Variants in EPG5 observed in about 807,000 individuals in gnomAD.
The protein encoded by EPG5 is ectopic P granules protein 5 homolog.
In EPG5, 159 loss-of-function variants were observed where a neutral mutation model predicts 302.7. The ratio of observed to expected loss-of-function variants is 0.53; its 90% CI spans 0.46 to 0.60. EPG5 has a LOEUF of 0.60. EPG5 is among the 20% of genes least tolerant of loss of function. The probability of loss-of-function intolerance (pLI) is 0.00; values close to 1 mark genes in which losing one functional copy is unlikely to be tolerated. For synonymous variants in EPG5, 1,158 were observed against 1,136.8 expected (o/e 1.02, Z -0.37); for missense variants, 2,896 against 3,092.4 (o/e 0.94, Z 1.51).
At chr18:45,842,415 G>T in the EPG5 span, 3 of 569,256 alleles carry the variant, frequency 5.3e-6, no homozygotes, top group Admixed American at 3.1e-5. Flanking sequence ...TCGTAAATGT[G>T]CATACGTCTG....
chr18:45,837,865 G>C, the EPG5 span: 3 of 1,533,280 alleles, frequency 2.0e-6, no homozygotes, highest in Admixed American at 1.9e-5. Flanking sequence ...ACCGCTACGA[G>C]AGCCGCCACG....
intron 26 of EPG5, among the ~76,000 whole-genome samples, chr18:45,899,990 T>C (rs1331326239): frequency 6.6e-6 from 1 of 152,164 alleles, no homozygotes. Flanking sequence ...ACATGGGGTG[T>C]CAAAACTGGT....
chr18:45,844,806 A>C (rs75370733), downstream of EPG5, among the ~76,000 whole-genome samples: 2,695 of 152,294 alleles, frequency 0.018, 40 homozygotes, highest in South Asian at 0.024. Context: ...GGGCACCTCT[A>C]TGGAAAGTCC....
chr18:45,802,789 A>G, the EPG5 span, among the ~76,000 whole-genome samples: 4 of 152,364 alleles, frequency 2.6e-5, no homozygotes, highest in Non-Finnish European at 5.9e-5. Flanking sequence ...GATGGTAAAT[A>G]AAAGTGAACA....
chr18:45,863,335 C>T (rs2048675364), intron 39 of EPG5, among the ~76,000 whole-genome samples: 2 of 152,174 alleles, frequency 1.3e-5, no homozygotes, highest in South Asian at 4.1e-4. Flanking sequence ...CTCACTTTCT[C>T]CATGCTTCCT....
At chr18:45,817,846 A>G in the EPG5 span, among the ~76,000 whole-genome samples, 7 of 152,244 alleles carry the variant, frequency 4.6e-5, no homozygotes, top group African/African-American at 1.7e-4. Flanking sequence ...AGGTGAGTCA[A>G]TAAGGCCAGT....
At chr18:45,840,590 C>T in the EPG5 span, among the ~76,000 whole-genome samples, 3 of 152,220 alleles carry the variant, frequency 2.0e-5, 1 homozygote, top group East Asian at 1.9e-4. Context: ...GCTTTGCAAA[C>T]AAAATCTCTA....
At chr18:45,915,975 C>T in intron 19 of EPG5, 34 bp downstream of exon 19, 2 of 1,554,970 alleles carry the variant, frequency 1.3e-6, no homozygotes, top group Non-Finnish European at 1.7e-6. Context: ...TCTAGCCAAT[C>T]ACTGAAAGAT....
At chr18:45,937,249 C>T (rs1209493383) in intron 10 of EPG5, among the ~76,000 whole-genome samples, 7 of 107,192 alleles carry the variant, frequency 6.5e-5, no homozygotes, top group African/African-American at 3.3e-4. Flanking sequence ...CACACACACA[C>T]ACACACACAC....
rs200932619 is a variant in EPG5 at position 45,858,734 on chromosome 18, T to C, written c.7058A>G (p.Gln2353Arg). 1.9e-6 allele frequency: 3 copies of C among 1,614,204 alleles called. No individual in the cohort carries two copies. The highest frequency in any genetic ancestry group is 2.2e-5 in the East Asian group (1 of 44,882). ...CTCTTCCATGGTGAGCTCGGGAACCTGAAGGGATACCAGAATGGGTCCCCA... is the reference window on the plus strand; with the variant it reads ...CTCTTCCATGGTGAGCTCGGGAACCCGAAGGGATACCAGAATGGGTCCCCA... The part of the protein sequence containing the change: ...SGWGPILVSL[Q>R]VPELTMEEFL... The change falls in exon 41 of 44, where the codon CAG becomes CGG. Residue 2353 changes from glutamine to arginine, a missense_variant. Physicochemically the swap from Gln to Arg is conservative, Grantham distance 43. Transcript: ENST00000282041.
rs748941224 is a variant in EPG5, at chr18:45,867,733, G to A, written c.6241C>T (p.Pro2081Ser). The change falls in exon 37 of 44, where the codon CCC becomes TCC. Residue 2081 changes from proline (P) to serine (S), a missense_variant. Physicochemically the swap from Pro to Ser is moderately conservative, Grantham distance 74. Transcript: ENST00000282041. ...CCCAAAAATAAGAAACAGCTCTTGGGGCTTCCTCGTTCCACCTAAAAGAAA... is the reference window on the plus strand; with the variant it reads ...CCCAAAAATAAGAAACAGCTCTTGGAGCTTCCTCGTTCCACCTAAAAGAAA... ...EAFFKVERGS[P>S]KSCFLFLGSV... 8.7e-6 allele frequency: 14 copies of A among 1,600,842 alleles called. No homozygotes were observed. The East Asian group carries it at 2.7e-4, about 31-fold the overall frequency.
intron 29 of EPG5, among the ~76,000 whole-genome samples, chr18:45,887,501 G>C (rs1052339482): frequency 6.6e-6 from 1 of 152,110 alleles, no homozygotes; most frequent in Non-Finnish European, 1.5e-5. Flanking sequence ...AGAACACCAA[G>C]GATATATGAC....
At chr18:45,855,980 A>G (rs546279482) in intron 42 of EPG5, among the ~76,000 whole-genome samples, 195 of 152,358 alleles carry the variant, frequency 1.3e-3, no homozygotes, top group African/African-American at 4.5e-3. Context: ...GCACTAGGGA[A>G]AAGAGTTTGG....
In EPG5 at chr18:45,939,297, G is replaced by C. The variant is rs547960561; in HGVS notation, c.2099+303C>G. Among the ~76,000 whole-genome samples, 11 of 152,224 alleles carry C rather than the reference G, an allele frequency of 7.2e-5. No individual in the cohort carries two copies. The South Asian group carries it at 2.1e-3, about 29-fold the overall frequency. On this transcript the variant is annotated intron_variant, in intron 10 of 43. Transcript: ENST00000282041. Reference sequence around the variant, plus strand: ...CACTGCAGTGGGTATGTGATAGATAGAATCTATCCTTGTTTTCCCCTGCTC... The same window carrying C: ...CACTGCAGTGGGTATGTGATAGATACAATCTATCCTTGTTTTCCCCTGCTC...
chr18:45,919,745 C>A (rs1400341343), intron 16 of EPG5, among the ~76,000 whole-genome samples: 1 of 152,140 alleles, frequency 6.6e-6, no homozygotes, highest in African/African-American at 2.4e-5. Flanking sequence ...ATCTCCTGAC[C>A]TCGTGATCCG....
At chr18:45,800,918 C>T in the EPG5 span, among the ~76,000 whole-genome samples, 1 of 152,186 alleles carries the variant, frequency 6.6e-6, no homozygotes. Context: ...ACACTGGTTG[C>T]AGGAAATTCA....
the EPG5 span, among the ~76,000 whole-genome samples, chr18:45,820,633 C>T: frequency 0.012 from 1,752 of 152,264 alleles, 14 homozygotes; most frequent in Non-Finnish European, 0.019. Context: ...CTCTGTTCCA[C>T]GGACCTGAGC....
At chr18:45,839,160 G>T in the EPG5 span, 1 of 1,341,758 alleles carries the variant, frequency 7.5e-7, no homozygotes, top group South Asian at 1.9e-5. Context: ...TCTTAGATAA[G>T]ACCACCTGGC....
At position 45,854,642 on chromosome 18, in the gene EPG5, T is replaced by C. The variant is rs139000483; in HGVS notation, c.7557+931A>G. ...GGGAGGCTGAGGCTAAGAGGAACGC[T>C]TGAAGCCAGGAGTTTGAGACCAACC... On this transcript the variant is annotated intron_variant, in intron 43 of 43. Transcript: ENST00000282041. Among the ~76,000 whole-genome samples, 5 of 152,306 alleles carry C rather than the reference T, an allele frequency of 3.3e-5. No individual in the cohort carries two copies. In the East Asian group the frequency reaches 9.6e-4, roughly 29 times the overall value.
Sources: allele counts gnomAD v4.1 joint callset (sites outside exome capture counted in the v4.1 genomes callset), GRCh38; gene constraint gnomAD v4.1.1; transcripts MANE v1.5; gene names NCBI Gene and HGNC (gene_info 2026-07-23, HGNC 2026-07-21).